The following MCPH1 variants were observed in gnomAD, a reference collection of about 807,000 sequenced individuals.
MCPH1 encodes microcephalin.
A neutral mutation model predicts 84.5 loss-of-function variants in MCPH1; 104 were observed. That is an observed-to-expected ratio of 1.23 (90% CI 1.05 to 1.45). The LOEUF is 1.45. Ranked by LOEUF, MCPH1 falls within the 40% of genes most tolerant of loss-of-function variation. The pLI is 0.00. For synonymous variants in MCPH1, 514 were observed against 366.8 expected (o/e 1.40, Z -4.58); for missense variants, 1,498 against 1,005.7 (o/e 1.49, Z -6.62).
Position 6,499,873 on chromosome 8 carries a change from G to A in MCPH1, c.2158G>A (p.Gly720Ser), listed in dbSNP as rs1563292953. ...GCAGGTGCTATGGTCTTTAGAATTGGGTCACTGGATTTCTGAGGAGCCGTT... is the reference window on the plus strand; with the variant it reads ...GCAGGTGCTATGGTCTTTAGAATTGAGTCACTGGATTTCTGAGGAGCCGTT... The part of the protein sequence containing the change: ...YDWVLWSLEL[G>S]HWISEEPFEL... Residue 720 changes from glycine (G) to serine (S), a missense_variant, in exon 12 of 14, where the codon GGT becomes AGT. Physicochemically the swap from Gly to Ser is moderately conservative, Grantham distance 56 (BLOSUM62 0). Transcript: ENST00000344683. 6.8e-6 allele frequency: 11 copies of A among 1,613,188 alleles called. No individual in the cohort carries two copies. Among genetic ancestry groups the A allele is most frequent in the Non-Finnish European group, 9.3e-6 (11 of 1,179,974 alleles).
intron 4 of MCPH1, among the ~76,000 whole-genome samples, 178 bp downstream of exon 4, chr8:6,431,764 A>G (rs573321717): frequency 2.6e-5 from 4 of 152,338 alleles, no homozygotes; most frequent in African/African-American, 9.6e-5. Context: ...ATTTTATCCT[A>G]TGACTTCTTC....
intron 12 of MCPH1, among the ~76,000 whole-genome samples, chr8:6,567,528 A>T (rs1010796141): frequency 1.3e-5 from 2 of 152,210 alleles, no homozygotes; most frequent in African/African-American, 4.8e-5. Context: ...TAAGGATGCC[A>T]GGTGGGGAGA....
chr8:6,499,167 G>C (rs1811677139), intron 11 of MCPH1, among the ~76,000 whole-genome samples: 2 of 152,162 alleles, frequency 1.3e-5, no homozygotes, highest in Admixed American at 6.5e-5. Flanking sequence ...TATGGAGACA[G>C]ATTTTCAGGG....
intron 9 of MCPH1, among the ~76,000 whole-genome samples, chr8:6,475,021 G>A (rs1428723917): frequency 2.6e-5 from 4 of 152,176 alleles, no homozygotes; most frequent in African/African-American, 9.7e-5. Context: ...ATTATTGGAA[G>A]TTCAATTTCC....
intron 7 of MCPH1, 130 bp from the exon 8 acceptor site, chr8:6,444,263 C>A: frequency 9.5e-7 from 1 of 1,051,444 alleles, no homozygotes; most frequent in South Asian, 1.5e-5. Flanking sequence ...ATGAGAAGAA[C>A]TCAAGTGTGG....
At chr8:6,495,145 G>C (rs1211638980) in intron 11 of MCPH1, among the ~76,000 whole-genome samples, 1 of 152,152 alleles carries the variant, frequency 6.6e-6, no homozygotes, top group African/African-American at 2.4e-5. Context: ...GCTTGAAAAT[G>C]CTTTGGACAT....
chr8:6,414,942 G>C (rs1319468951), intron 3 of MCPH1, 59 bp downstream of exon 3: 5 of 1,568,950 alleles, frequency 3.2e-6, no homozygotes, highest in Middle Eastern at 1.7e-4. Flanking sequence ...AATGTGTGGA[G>C]ATATTTTTCA....
intron 12 of MCPH1, among the ~76,000 whole-genome samples, chr8:6,598,207 T>C (rs1027665732): frequency 6.6e-5 from 10 of 152,142 alleles, no homozygotes; most frequent in African/African-American, 2.4e-4. Context: ...TCCGTGTACC[T>C]GGGAAATACG....
chr8:6,513,568 C>G (rs879160607), intron 12 of MCPH1: 117 of 732,588 alleles, frequency 1.6e-4, no homozygotes, highest in Non-Finnish European at 1.7e-4. Context: ...CTCCTGACCT[C>G]GTGATCTGCC....
intron 12 of MCPH1, among the ~76,000 whole-genome samples, chr8:6,568,740 G>A (rs138055260): frequency 9.2e-5 from 14 of 152,326 alleles, no homozygotes; most frequent in African/African-American, 3.4e-4. Context: ...GGCCTGGGCA[G>A]CCCCTCCTGA....
At chr8:6,484,096 A>G (rs962000175) in intron 11 of MCPH1, among the ~76,000 whole-genome samples, 1 of 152,224 alleles carries the variant, frequency 6.6e-6, no homozygotes, top group African/African-American at 2.4e-5. Flanking sequence ...CAAAATTGAA[A>G]GCTTTTACTC....
chr8:6,531,096 C>T (rs1819418399), intron 12 of MCPH1, among the ~76,000 whole-genome samples: 2 of 152,136 alleles, frequency 1.3e-5, no homozygotes, highest in Admixed American at 6.5e-5. Context: ...GCGGGCTTGG[C>T]CGCCGAGAGT....
intron 12 of MCPH1, among the ~76,000 whole-genome samples, chr8:6,581,931 A>G (rs1827597960): frequency 6.6e-6 from 1 of 152,156 alleles, no homozygotes; most frequent in African/African-American, 2.4e-5. Flanking sequence ...TTATAAGGAC[A>G]CTAATCCCAT....
rs1012296119 is a variant in MCPH1, at chr8:6,521,471, T to C, written c.2214+21542T>C. 5.8e-6 allele frequency: 7 copies of C among 1,204,540 alleles called. No homozygotes were observed. The African/African-American group carries it at 9.3e-5, about 16-fold the overall frequency. 74.6% of individuals were successfully genotyped at this position (1,204,540 alleles called of 1,614,324 possible). A position where few individuals can be genotyped will look rare whatever the true frequency, so the allele number is the denominator to read the frequency against. On this transcript the variant is annotated intron_variant, in intron 12 of 13. Coordinates refer to ENST00000344683, the MANE Select transcript of MCPH1 (RefSeq NM_024596.5). ...ATTCTAATGAAATATTTTATATTTA[T>C]TGAATTTCTACTTCTCCAAGGTACT...
intron 3 of MCPH1, among the ~76,000 whole-genome samples, chr8:6,427,513 A>T (rs899898453): frequency 5.3e-5 from 8 of 152,116 alleles, no homozygotes; most frequent in African/African-American, 1.7e-4. Context: ...CTGGGACTAC[A>T]GGCGTGTGCC....
intron 13 of MCPH1, among the ~76,000 whole-genome samples, chr8:6,639,133 G>T (rs553760087): frequency 1.3e-5 from 2 of 152,144 alleles, no homozygotes. Flanking sequence ...CGATAAATAC[G>T]TGGATGGAAG....
chr8:6,591,385 G>A (rs1828439503), intron 12 of MCPH1, among the ~76,000 whole-genome samples: 1 of 152,182 alleles, frequency 6.6e-6, no homozygotes, highest in African/African-American at 2.4e-5. Context: ...GTAGACAATC[G>A]AATGTTGAGT....
intron 12 of MCPH1, among the ~76,000 whole-genome samples, chr8:6,554,805 G>C (rs1421544789): frequency 1.3e-5 from 2 of 152,180 alleles, no homozygotes; most frequent in Non-Finnish European, 2.9e-5. Flanking sequence ...GAATTGCAAA[G>C]AGAAAGGTTT....
In MCPH1 at chr8:6,444,918, G is replaced by A; in HGVS notation, c.1196G>A (p.Gly399Glu). 1 of 1,614,130 alleles carries A rather than the reference G, an allele frequency of 6.2e-7. No individual in the cohort carries two copies. Among genetic ancestry groups the A allele is most frequent in the Non-Finnish European group, 8.5e-7 (1 of 1,180,012 alleles). ...RSEDRLQHVA[G>E]PALEALSCGE... ...GAAGACAGGCTGCAGCACGTGGCGG[G>A]ACCTGCCCTGGAGGCTCTTAGCTGT... The change falls in exon 8 of 14, where the codon GGA (glycine) becomes GAA (glutamate). Residue 399 changes from glycine (G) to glutamate (E), a missense_variant. Physicochemically the swap from Gly to Glu is moderately conservative, Grantham distance 98 (BLOSUM62 -2). Transcript: ENST00000344683.
Sources: allele counts gnomAD v4.1 joint callset (sites outside exome capture counted in the v4.1 genomes callset), GRCh38; gene constraint gnomAD v4.1.1; transcripts MANE v1.5; gene names NCBI Gene and HGNC (gene_info 2026-07-23, HGNC 2026-07-21).